LAMA4: variants seen among roughly 807,000 people sequenced by gnomAD.
LAMA4 encodes laminin subunit alpha 4, also known as laminin subunit alpha-4.
Under a neutral mutation model 207.1 loss-of-function variants are expected in LAMA4, and 127 were observed. The ratio of observed to expected loss-of-function variants is 0.61; its 90% CI spans 0.53 to 0.71. The LOEUF is 0.71. LAMA4 is among the 30% of genes least tolerant of loss of function. The pLI is 0.00. For missense variants in LAMA4, 2,093 were observed against 2,246.5 expected (o/e 0.93, Z 1.38); for synonymous variants, 761 against 816.0 (o/e 0.93, Z 1.15).
At chr6:112,252,703 T>C (rs914337778) in intron 2 of LAMA4, among the ~76,000 whole-genome samples, 3 of 152,218 alleles carry the variant, frequency 2.0e-5, no homozygotes, top group African/African-American at 7.2e-5. Context: ...AAGCAACAGG[T>C]GGAGATAATG....
At chr6:112,250,560 C>T (rs556482883) in intron 2 of LAMA4, among the ~76,000 whole-genome samples, 1 of 152,316 alleles carries the variant, frequency 6.6e-6, no homozygotes, top group East Asian at 1.9e-4. Context: ...TGAGGGGCAA[C>T]TCATTGACAA....
intron 9 of LAMA4, among the ~76,000 whole-genome samples, chr6:112,184,727 T>C (rs1325837982): frequency 6.6e-6 from 1 of 152,196 alleles, no homozygotes; most frequent in Non-Finnish European, 1.5e-5. Flanking sequence ...CTCAACTCTT[T>C]AAACGGGCTA....
intron 9 of LAMA4, 183 bp from the exon 10 acceptor site, chr6:112,178,415 TA>T: frequency 1.7e-6 from 1 of 601,612 alleles, no homozygotes; most frequent in Non-Finnish European, 2.9e-6. Context: ...TGGCCAGTTT[TA>T]CTTTTAAAAA....
intron 2 of LAMA4, among the ~76,000 whole-genome samples, chr6:112,222,697 A>G (rs576163968): frequency 7.7e-4 from 118 of 152,350 alleles, no homozygotes; most frequent in African/African-American, 2.7e-3. Context: ...CTCCACTCAC[A>G]GCTCTCAAAT....
At chr6:112,253,057 A>G in intron 2 of LAMA4, among the ~76,000 whole-genome samples, 1 of 152,230 alleles carries the variant, frequency 6.6e-6, no homozygotes, top group South Asian at 2.1e-4. Flanking sequence ...AATGGTGTCA[A>G]TCCACATAAC....
intron 2 of LAMA4, among the ~76,000 whole-genome samples, chr6:112,239,829 C>T (rs1786252368): frequency 2.0e-5 from 3 of 152,044 alleles, no homozygotes; most frequent in Admixed American, 1.3e-4. Context: ...TTTGGGAGGC[C>T]GAGGCGGGCG....
At chr6:112,253,693 C>A in intron 2 of LAMA4, 6 of 1,550,034 alleles carry the variant, frequency 3.9e-6, no homozygotes, top group Non-Finnish European at 5.3e-6. Flanking sequence ...GAGAGTCTAG[C>A]GGATGAACTC....
intron 10 of LAMA4, among the ~76,000 whole-genome samples, 175 bp from the exon 11 acceptor site, chr6:112,175,655 T>C (rs1173604469): frequency 6.6e-6 from 1 of 152,194 alleles, no homozygotes; most frequent in Non-Finnish European, 1.5e-5. Flanking sequence ...GCATGGAAGC[T>C]CATCATCTAT....
chr6:112,199,868 C>T (rs1478247918), intron 5 of LAMA4, among the ~76,000 whole-genome samples: 1 of 151,660 alleles, frequency 6.6e-6, no homozygotes, highest in Non-Finnish European at 1.5e-5. Flanking sequence ...ATTTTAAGCC[C>T]CAGGTTGAGT....
intron 4 of LAMA4, among the ~76,000 whole-genome samples, chr6:112,203,065 T>C (rs9374311): frequency 0.27 from 40,496 of 152,112 alleles, 5,834 homozygotes; most frequent in East Asian, 0.41. Flanking sequence ...GCATGACCAC[T>C]GGTCTCTGTG....
intron 2 of LAMA4, among the ~76,000 whole-genome samples, chr6:112,224,199 C>T (rs77652041): frequency 0.015 from 2,356 of 152,296 alleles, 69 homozygotes; most frequent in African/African-American, 0.055. Context: ...ACATCTTTAC[C>T]TGGGCTCAGA....
intron 2 of LAMA4, 179 bp from the exon 3 acceptor site, chr6:112,216,648 G>C (rs1460574247): frequency 2.2e-5 from 14 of 626,596 alleles, no homozygotes; most frequent in Admixed American, 4.7e-5. Context: ...TTCAGTGATA[G>C]ATGATGTATA....
chr6:112,239,366 T>A (rs993090093), intron 2 of LAMA4, among the ~76,000 whole-genome samples: 3 of 151,808 alleles, frequency 2.0e-5, no homozygotes, highest in African/African-American at 7.3e-5. Flanking sequence ...GAGTATTTTT[T>A]ATGGCATTTT....
intron 25 of LAMA4, chr6:112,135,917 G>A (rs1779311279): frequency 2.0e-6 from 1 of 504,002 alleles, no homozygotes; most frequent in Admixed American, 3.2e-5. Context: ...TTTTAAATTG[G>A]AACATCAACA....
chr6:112,253,528 A>G (rs1787613009), intron 2 of LAMA4: 4 of 494,636 alleles, frequency 8.1e-6, no homozygotes, highest in African/African-American at 1.9e-5. Context: ...AATATGAGAC[A>G]AAAAGATCCT....
At chr6:112,160,418 G>T (rs1267017079) in intron 13 of LAMA4, among the ~76,000 whole-genome samples, 2 of 151,836 alleles carry the variant, frequency 1.3e-5, no homozygotes, top group Non-Finnish European at 2.9e-5. Context: ...ATATAAACAT[G>T]CTCAAGTATC....
intron 2 of LAMA4, among the ~76,000 whole-genome samples, chr6:112,224,174 G>C (rs1248945181): frequency 6.6e-6 from 1 of 152,190 alleles, no homozygotes; most frequent in African/African-American, 2.4e-5. Flanking sequence ...TTCAACCTGT[G>C]TTGGATGAGC....
At chr6:112,189,302 A>C (rs1451008004) in intron 6 of LAMA4, 97 bp from the exon 7 acceptor site, 3 of 792,826 alleles carry the variant, frequency 3.8e-6, no homozygotes, top group Non-Finnish European at 6.6e-6. Context: ...CTATCAGTGT[A>C]TAATTCATCA....
chr6:112,163,614 C>G (rs1781212500), intron 13 of LAMA4, among the ~76,000 whole-genome samples: 2 of 152,010 alleles, frequency 1.3e-5, no homozygotes, highest in African/African-American at 2.4e-5. Context: ...GGGATGGAAC[C>G]CCCTTCAGAA....
Sources: gnomAD v4.1 joint callset for allele counts (sites outside exome capture counted in the v4.1 genomes callset) on GRCh38, gnomAD v4.1.1 for gene constraint, MANE v1.5 for transcripts, NCBI Gene and HGNC (gene_info 2026-07-23, HGNC 2026-07-21) for gene names.